Variants in STX8 observed in about 807,000 individuals in gnomAD.
The protein encoded by STX8 is syntaxin 8, also known as syntaxin-8.
STX8 carries 23 observed loss-of-function variants against 37.5 expected under a neutral mutation model. The ratio of observed to expected loss-of-function variants is 0.61; its 90% CI spans 0.44 to 0.87. The LOEUF (loss-of-function observed/expected upper bound fraction) is 0.87. Among genes scored for constraint, STX8 ranks in the 40% least tolerant of loss-of-function variants. The probability of loss-of-function intolerance (pLI) is 0.00; values close to 1 mark genes in which losing one functional copy is unlikely to be tolerated. For synonymous variants in STX8, 115 were observed against 99.1 expected, an observed-to-expected ratio of 1.16 and a Z score of -0.95; for missense variants, 313 against 284.7, an observed-to-expected ratio of 1.10 and a Z score of -0.71.
chr17:9,565,226 A>G (rs995413632), intron 2 of STX8, among the ~76,000 whole-genome samples: 1 of 152,184 alleles, frequency 6.6e-6, no homozygotes, highest in African/African-American at 2.4e-5. Context: ...ATAATAAAAT[A>G]AAAATAACAT....
chr17:9,475,829 C>A (rs887106253), intron 6 of STX8, among the ~76,000 whole-genome samples: 12 of 152,202 alleles, frequency 7.9e-5, no homozygotes, highest in Non-Finnish European at 1.8e-4. Flanking sequence ...CCCATTTACA[C>A]AGAGTACACA....
At chr17:9,380,175 G>A (rs1236015576) in intron 6 of STX8, among the ~76,000 whole-genome samples, 1 of 150,418 alleles carries the variant, frequency 6.6e-6, no homozygotes, top group Non-Finnish European at 1.5e-5. Context: ...TGCTACTAAT[G>A]ATTATTTCTA....
rs376404831 is a variant in STX8 at position 9,422,250 on chromosome 17, G to A, written c.542-43597C>T. On this transcript the variant is annotated intron_variant, in intron 6 of 7. Coordinates refer to ENST00000306357, the MANE Select transcript of STX8 (RefSeq NM_004853.3). Reference sequence around the variant, plus strand: ...CTCCCCAGTAACTGGGATTACAGGCGTGTGCCACCACACCTGACTAATTTT... The same window carrying A: ...CTCCCCAGTAACTGGGATTACAGGCATGTGCCACCACACCTGACTAATTTT... 1.5e-3 allele frequency among the ~76,000 whole-genome samples: 222 copies of A among 152,158 alleles called. 1 individual carries two copies. Among genetic ancestry groups the A allele is most frequent in the African/African-American group, 4.9e-3 (205 of 41,528 alleles).
At chr17:9,250,845 G>A (rs1260476725) in intron 7 of STX8, among the ~76,000 whole-genome samples, 200 bp from the exon 8 acceptor site, 2 of 151,864 alleles carry the variant, frequency 1.3e-5, no homozygotes, top group African/African-American at 4.9e-5. Context: ...GAGTGCAGAA[G>A]GCAGGGGCCT....
chr17:9,359,503 ATTTTTT>A (rs145808683), intron 7 of STX8, among the ~76,000 whole-genome samples: 2 of 91,746 alleles, frequency 2.2e-5, no homozygotes, highest in African/African-American at 4.4e-5. Flanking sequence ...GCTGAGACAT[ATTTTTT>A]TTTTTTTTTT....
intron 7 of STX8, among the ~76,000 whole-genome samples, chr17:9,254,880 G>A (rs1472990326): frequency 1.3e-5 from 2 of 152,138 alleles, no homozygotes; most frequent in Non-Finnish European, 2.9e-5. Context: ...TAAAACAAAT[G>A]AGTAAATGTA....
chr17:9,325,903 G>C (rs1365427210), intron 7 of STX8, among the ~76,000 whole-genome samples: 1 of 152,214 alleles, frequency 6.6e-6, no homozygotes. Context: ...TGAAAGGAGA[G>C]TGGAAAATTC....
At chr17:9,550,934 G>A (rs1475568141) in intron 3 of STX8, among the ~76,000 whole-genome samples, 1 of 152,190 alleles carries the variant, frequency 6.6e-6, no homozygotes, top group Non-Finnish European at 1.5e-5. Context: ...AATTAGCCAG[G>A]TGTAGTGGTG....
chr17:9,423,474 C>T (rs1015873909), intron 6 of STX8, among the ~76,000 whole-genome samples: 7 of 152,066 alleles, frequency 4.6e-5, no homozygotes, highest in African/African-American at 9.7e-5. Context: ...TACAGGCATG[C>T]GCCACCATGC....
chr17:9,416,024 C>A (rs1478536454), intron 6 of STX8, among the ~76,000 whole-genome samples: 1 of 152,136 alleles, frequency 6.6e-6, no homozygotes. Flanking sequence ...TAATGAACCC[C>A]ACTTGGGCCA....
At chr17:9,273,924 C>T (rs1269907676) in intron 7 of STX8, among the ~76,000 whole-genome samples, 1 of 152,126 alleles carries the variant, frequency 6.6e-6, no homozygotes, top group Admixed American at 6.5e-5. Flanking sequence ...TGACAGTTTC[C>T]TGGATATAAA....
chr17:9,492,168 T>G (rs549141167), intron 5 of STX8, among the ~76,000 whole-genome samples: 3 of 152,138 alleles, frequency 2.0e-5, no homozygotes, highest in Non-Finnish European at 4.4e-5. Flanking sequence ...AACATGAACA[T>G]TTAAACTTTC....
rs1331683857 is a variant in STX8 at position 9,274,744 on chromosome 17, CTTTTTTCT to C, written c.644-24107_644-24100del. On this transcript the variant is annotated intron_variant, in intron 7 of 7. Transcript: ENST00000306357. ...AAAGTCTTCAAAAATACAACAATTTCTTTTTTCTTTTTTTTTTTTTTTTTTGAGACGGA... is the reference window on the plus strand; with the variant it reads ...AAAGTCTTCAAAAATACAACAATTTCTTTTTTTTTTTTTTTTTGAGACGGA... 1.6e-3 allele frequency among the ~76,000 whole-genome samples: 146 copies of C among 88,902 alleles called. 22 individuals carry two copies. In the East Asian group the frequency reaches 0.033, roughly 20 times the overall value. 58.3% of individuals were successfully genotyped at this position (88,902 alleles called of 152,430 possible).
chr17:9,466,679 G>A (rs1905625616), intron 6 of STX8, among the ~76,000 whole-genome samples: 1 of 152,050 alleles, frequency 6.6e-6, no homozygotes, highest in Non-Finnish European at 1.5e-5. Context: ...AAGTGACATA[G>A]GCCTGTGTCC....
intron 7 of STX8, among the ~76,000 whole-genome samples, chr17:9,349,729 GTCTCTCTC>G (rs71135969): frequency 6.1e-5 from 9 of 148,580 alleles, no homozygotes; most frequent in South Asian, 2.1e-4. Context: ...TGTGAATGTG[GTCTCTCTC>G]TCTCTCTCTC....
intron 7 of STX8, among the ~76,000 whole-genome samples, chr17:9,356,107 AGTT>A (rs1339337986): frequency 6.6e-6 from 1 of 152,188 alleles, no homozygotes; most frequent in African/African-American, 2.4e-5. Context: ...CATTAAGTTC[AGTT>A]GTTCTACATT....
In STX8 at chr17:9,564,543, A is replaced by G. The variant is rs547463512; in HGVS notation, c.117+3828T>C. ...ATACAAAATCAAAGTGCAAAACATCACTAACATTCCTGTACACCAACAGTC... is the reference window on the plus strand; with the variant it reads ...ATACAAAATCAAAGTGCAAAACATCGCTAACATTCCTGTACACCAACAGTC... On this transcript the variant is annotated intron_variant, in intron 2 of 7. Coordinates refer to ENST00000306357, the MANE Select transcript of STX8 (RefSeq NM_004853.3). 2.6e-5 allele frequency among the ~76,000 whole-genome samples: 4 copies of G among 152,294 alleles called. No individual in the cohort carries two copies. In the South Asian group the frequency reaches 8.3e-4, roughly 32 times the overall value.
chr17:9,296,500 CAAAA>C (rs55811417), intron 7 of STX8, among the ~76,000 whole-genome samples: 1 of 123,220 alleles, frequency 8.1e-6, no homozygotes, highest in Non-Finnish European at 1.7e-5. Flanking sequence ...CTCCATCTCT[CAAAA>C]AAAAAAAAAA....
intron 1 of STX8, among the ~76,000 whole-genome samples, chr17:9,572,839 A>T (rs1907735687): frequency 6.6e-6 from 1 of 152,172 alleles, no homozygotes; most frequent in Non-Finnish European, 1.5e-5. Flanking sequence ...AAGCCACTTC[A>T]TCAAACTAAT....
Sources: gnomAD v4.1 joint callset for allele counts (sites outside exome capture counted in the v4.1 genomes callset) on GRCh38, gnomAD v4.1.1 for gene constraint, MANE v1.5 for transcripts, NCBI Gene and HGNC (gene_info 2026-07-23, HGNC 2026-07-21) for gene names.